TP53BP2: variants seen among roughly 807,000 people sequenced by gnomAD.
TP53BP2 encodes apoptosis-stimulating of p53 protein 2.
A neutral mutation model predicts 126.2 loss-of-function variants in TP53BP2; 62 were observed. That is an observed-to-expected ratio of 0.49 (90% CI 0.40 to 0.61). TP53BP2 has a LOEUF of 0.61. Among genes scored for constraint, TP53BP2 ranks in the 20% least tolerant of loss-of-function variants. The probability of loss-of-function intolerance (pLI) is 0.00; values close to 1 mark genes in which losing one functional copy is unlikely to be tolerated. For missense variants in TP53BP2, 1,215 were observed against 1,402.8 expected (o/e 0.87, Z 2.14); for synonymous variants, 485 against 502.9 (o/e 0.96, Z 0.48).
chr1:223,812,080 GAAAA>G (rs960595295), intron 3 of TP53BP2, among the ~76,000 whole-genome samples: 2 of 144,912 alleles, frequency 1.4e-5, no homozygotes, highest in Middle Eastern at 3.7e-3. Flanking sequence ...AAAAAAAAAA[GAAAA>G]AAGCCTACGG....
intron 2 of TP53BP2, among the ~76,000 whole-genome samples, chr1:223,814,680 A>G (rs1299434531): frequency 1.3e-5 from 2 of 152,298 alleles, no homozygotes; most frequent in Non-Finnish European, 2.9e-5. Context: ...TGTAAAATCT[A>G]TATTAGATCA....
intron 1 of TP53BP2, among the ~76,000 whole-genome samples, chr1:223,825,697 A>G (rs1663471269): frequency 6.6e-6 from 1 of 152,210 alleles, no homozygotes; most frequent in South Asian, 2.1e-4. Flanking sequence ...CTCTGTTCTA[A>G]TGTAAAAATA....
At chr1:223,831,446 G>A (rs1663706717) in intron 1 of TP53BP2, among the ~76,000 whole-genome samples, 2 of 100,456 alleles carry the variant, frequency 2.0e-5, no homozygotes, top group African/African-American at 6.9e-5. Context: ...GTGTACACAT[G>A]CACACACATA....
In TP53BP2 at chr1:223,814,277, G is replaced by T. The variant is rs879931265; in HGVS notation, c.252C>A (p.Phe84Leu). 14 of 1,613,790 alleles carry T rather than the reference G, an allele frequency of 8.7e-6. No individual in the cohort carries two copies. The highest frequency in any genetic ancestry group is 1.2e-5 in the Non-Finnish European group (14 of 1,179,802). ...RFGSQRNEVR[F>L]FLRHERPPGR... The stretch of plus-strand genomic sequence containing the variant: ...CAGGGGGGCGTTCATGACGAAGGAA[G>T]AAGCGAACTTCGTTCCTCTGACTTC... Residue 84 changes from phenylalanine (F) to leucine (L), a missense_variant, in exon 3 of 18, where the codon TTC (phenylalanine) becomes TTA (leucine). Physicochemically the swap from Phe to Leu is conservative, Grantham distance 22. Coordinates refer to ENST00000343537, the MANE Select transcript of TP53BP2 (RefSeq NM_001031685.3).
intron 1 of TP53BP2, among the ~76,000 whole-genome samples, chr1:223,833,384 CAAT>C (rs1663811120): frequency 1.3e-5 from 2 of 152,076 alleles, no homozygotes; most frequent in Admixed American, 6.5e-5. Context: ...ATTCAGAAAT[CAAT>C]AACGTGAAGT....
chr1:223,806,245 A>C (rs1662710912), intron 5 of TP53BP2, among the ~76,000 whole-genome samples: 1 of 152,142 alleles, frequency 6.6e-6, no homozygotes, highest in African/African-American at 2.4e-5. Flanking sequence ...AGCAAAGATG[A>C]AGGGCTCTTT....
Position 223,798,598 on chromosome 1 carries a change from T to C in TP53BP2, c.1565A>G (p.Gln522Arg). The C allele has an allele frequency of 6.2e-7, 1 of 1,614,202 alleles. No homozygotes were observed. The highest frequency in any genetic ancestry group is 8.5e-7 in the Non-Finnish European group (1 of 1,180,032). ...AATGTCTGAAGGTGGCTGATTAGTT[T>C]GTCCAAAATAAGGCAAATTAATCTG... ...PKQINLPYFG[Q>R]TNQPPSDIKP... Residue 522 changes from glutamine (Q) to arginine (R), a missense_variant, in exon 12 of 18, where the codon CAA becomes CGA. Physicochemically the swap from Gln to Arg is conservative, Grantham distance 43. Around this residue, in one of 4 missense-constraint regions of TP53BP2, gnomAD observed 814 missense variants for 853.0 expected, o/e 0.95. Transcript: ENST00000343537.
At position 223,796,149 on chromosome 1, in the gene TP53BP2, T is replaced by C; in HGVS notation, c.2390A>G (p.Tyr797Cys). 2 of 1,614,074 alleles carry C rather than the reference T, an allele frequency of 1.2e-6. No homozygotes were observed. The highest frequency in any genetic ancestry group is 1.6e-4 in the Middle Eastern group (1 of 6,062). ...SESPVEIQNP[Y>C]LHVEPEKEVV... The stretch of plus-strand genomic sequence containing the variant: ...CTCCTTTTCGGGCTCCACATGTAAA[T>C]ATGGATTCTGGATTTCTACTGGGCT... Residue 797 changes from tyrosine (Y) to cysteine (C), a missense_variant, in exon 13 of 18, where the codon TAT becomes TGT. Physicochemically the swap from Tyr to Cys is radical, Grantham distance 194. Transcript: ENST00000343537. This position sits in a 1 kb window ranked among gnomAD's most constrained non-coding sequence, Gnocchi z 4.2.
intron 17 of TP53BP2, among the ~76,000 whole-genome samples, chr1:223,782,098 T>A (rs539486633): frequency 3.5e-4 from 54 of 152,286 alleles, no homozygotes; most frequent in African/African-American, 1.2e-3. Context: ...TGACTATAAT[T>A]AATAATGTAT....
chr1:223,841,535 T>C (rs910887010), intron 1 of TP53BP2, among the ~76,000 whole-genome samples: 1 of 152,182 alleles, frequency 6.6e-6, no homozygotes, highest in Non-Finnish European at 1.5e-5. Flanking sequence ...ACTTGAAAGA[T>C]TTTTAGTTTC....
intron 1 of TP53BP2, among the ~76,000 whole-genome samples, chr1:223,831,299 G>A (rs1417871209): frequency 7.4e-5 from 11 of 148,142 alleles, no homozygotes; most frequent in South Asian, 2.2e-4. Flanking sequence ...TGAAGAGGCC[G>A]AGGTGGGAGG....
At chr1:223,798,919 A>G (rs1662434715) in intron 11 of TP53BP2, among the ~76,000 whole-genome samples, 1 of 152,092 alleles carries the variant, frequency 6.6e-6, no homozygotes, top group South Asian at 2.1e-4. Context: ...AAAAAATACA[A>G]AAATCAGCCA....
chr1:223,837,997 G>A (rs1663980566), intron 1 of TP53BP2, among the ~76,000 whole-genome samples: 1 of 145,356 alleles, frequency 6.9e-6, no homozygotes, highest in African/African-American at 2.6e-5. Flanking sequence ...CCTAGGAATC[G>A]TGCCCACTTG....
intron 1 of TP53BP2, among the ~76,000 whole-genome samples, chr1:223,832,472 C>T (rs975398492): frequency 3.3e-5 from 5 of 152,288 alleles, no homozygotes; most frequent in Middle Eastern, 3.4e-3. Context: ...TTTTGTTGTA[C>T]CCCTTATGGA....
intron 16 of TP53BP2, among the ~76,000 whole-genome samples, chr1:223,788,427 T>G (rs1490298938): frequency 1.3e-5 from 2 of 152,162 alleles, no homozygotes; most frequent in Non-Finnish European, 2.9e-5. Flanking sequence ...TCCTTGTATA[T>G]ACAAATGCCA....
chr1:223,793,325 A>T lies in TP53BP2; in HGVS notation c.2840T>A (p.Leu947His). The T allele has an allele frequency of 6.2e-7, 1 of 1,607,240 alleles. No homozygotes were observed. The highest frequency in any genetic ancestry group is 8.5e-7 in the Non-Finnish European group (1 of 1,177,584). Residue 947 changes from leucine to histidine, a missense_variant, in exon 14 of 18, where the codon CTT becomes CAT. Leu to His is a moderately conservative substitution (Grantham distance 99). Around this residue, in one of 4 missense-constraint regions of TP53BP2, gnomAD observed 204 missense variants for 225.7 expected, o/e 0.90. Transcript: ENST00000343537. ...TACCTCATAAATAATTCTCTGTACA[A>T]GGTCAAATTCTCCCTCCAAAGACGA... ...LDSSLEGEFD[L>H]VQRIIYEVDD...
chr1:223,813,026 C>T (rs964855596), intron 3 of TP53BP2, among the ~76,000 whole-genome samples: 2 of 152,130 alleles, frequency 1.3e-5, no homozygotes, highest in Non-Finnish European at 2.9e-5. Context: ...TGTCCAATAA[C>T]CCTGCTCGTT....
chr1:223,831,466 T>TAAAAA (rs1157082703), intron 1 of TP53BP2, among the ~76,000 whole-genome samples: 749 of 43,536 alleles, frequency 0.017, 22 homozygotes, highest in Non-Finnish European at 0.023. Flanking sequence ...ATGTACCATC[T>TAAAAA]AAAAAAAAAA....
rs766939705 is a variant in TP53BP2 at position 223,798,637 on chromosome 1, G to A, written c.1526C>T (p.Pro509Leu). The change falls in exon 12 of 18, where the codon CCT becomes CTT. Residue 509 changes from proline to leucine, a missense_variant. Physicochemically the swap from Pro to Leu is moderately conservative, Grantham distance 98. This residue lies in a region of TP53BP2 where 814 missense variants were observed against 853.0 expected (regional missense o/e 0.95). Transcript: ENST00000343537. ...CAAATTAATCTGTTTTGGTTTTGTA[G>A]GAACAGGAGGTGGTACTTTAGCCAC... ...KNVAKVPPPVPTKPKQINLPY... is the reference protein window; with the variant it reads ...KNVAKVPPPVLTKPKQINLPY... 6.2e-7 allele frequency: 1 copy of A among 1,613,226 alleles called. No individual in the cohort carries two copies. The highest frequency in any genetic ancestry group is 2.2e-5 in the East Asian group (1 of 44,878).
Sources: gnomAD v4.1 joint callset for allele counts (sites outside exome capture counted in the v4.1 genomes callset) on GRCh38, gnomAD v4.1.1 for gene constraint, gnomAD v4.1.1 regional missense constraint, Gnocchi (gnomAD v3.1) non-coding constraint, MANE v1.5 for transcripts, NCBI Gene and HGNC (gene_info 2026-07-23, HGNC 2026-07-21) for gene names.